Variants in RSBN1 observed in about 807,000 individuals in gnomAD.
RSBN1 encodes lysine-specific demethylase 9.
In RSBN1, 23 loss-of-function variants were observed where a neutral mutation model predicts 74.8. The ratio of observed to expected loss-of-function variants is 0.31; its 90% CI spans 0.22 to 0.44. The LOEUF is 0.44. Among genes scored for constraint, RSBN1 ranks in the 20% least tolerant of loss-of-function variants. RSBN1 has a pLI of 1.00. For synonymous variants in RSBN1, 407 were observed against 379.6 expected (o/e 1.07, Z -0.84); for missense variants, 808 against 1,020.9 (o/e 0.79, Z 2.84).
intron 1 of RSBN1, 121 bp downstream of exon 1, chr1:113,811,589 G>A (rs1412496614): frequency 7.0e-7 from 1 of 1,419,438 alleles, no homozygotes; most frequent in South Asian, 1.6e-5. Flanking sequence ...ACCCCAGTGA[G>A]CTTAGAGAAG....
chr1:113,799,578 AC>A (rs1431371648), intron 1 of RSBN1, among the ~76,000 whole-genome samples: 1 of 68,226 alleles, frequency 1.5e-5, no homozygotes, highest in African/African-American at 1.5e-4. Flanking sequence ...ACACACACAC[AC>A]ACACACACAC....
At chr1:113,768,143 G>C in intron 5 of RSBN1, 79 bp downstream of exon 5, 1 of 1,222,072 alleles carries the variant, frequency 8.2e-7, no homozygotes, top group Non-Finnish European at 1.1e-6. Flanking sequence ...TTAAAAAACT[G>C]GTCCTAAACC....
chr1:113,793,383 C>T (rs1660406759), intron 2 of RSBN1, among the ~76,000 whole-genome samples: 1 of 152,210 alleles, frequency 6.6e-6, no homozygotes, highest in Non-Finnish European at 1.5e-5. Flanking sequence ...ACCACTTTCC[C>T]ATCCTTACTT....
chr1:113,804,907 T>TAAAA (rs11406398), intron 1 of RSBN1, among the ~76,000 whole-genome samples: 2 of 131,468 alleles, frequency 1.5e-5, no homozygotes, highest in African/African-American at 2.8e-5. Flanking sequence ...TGGTCAAGAG[T>TAAAA]AAAAAAAAAA....
intron 2 of RSBN1, among the ~76,000 whole-genome samples, chr1:113,779,302 GC>G (rs1227438705): frequency 6.6e-6 from 1 of 152,032 alleles, no homozygotes; most frequent in African/African-American, 2.4e-5. Flanking sequence ...TTGTTCTTTA[GC>G]AGCATTTTTA....
In RSBN1 at chr1:113,797,998, C is replaced by T. The variant is rs1306358166; in HGVS notation, c.742G>A (p.Asp248Asn). 9.9e-6 allele frequency: 16 copies of T among 1,610,200 alleles called. No homozygotes were observed. Among genetic ancestry groups the T allele is most frequent in the Non-Finnish European group, 1.4e-5 (16 of 1,179,098 alleles). The change falls in exon 2 of 7, where the codon GAT (aspartate) becomes AAT (asparagine). Residue 248 changes from aspartate to asparagine, a missense_variant. This residue lies in a region of RSBN1 where 464 missense variants were observed against 401.0 expected (regional missense o/e 1.16). Coordinates refer to ENST00000261441, the MANE Select transcript of RSBN1 (RefSeq NM_018364.5). ...DENGKTQRAD[D>N]FVLKKIKKKK... is the part of the protein sequence containing the mutation. ...TTCTTTATTTTCTTCAAGACAAAAT[C>T]ATCGGCTCTCTGGGTTTTACCATTT...
chr1:113,787,795 A>G (rs1418013009), intron 2 of RSBN1, among the ~76,000 whole-genome samples: 2 of 152,186 alleles, frequency 1.3e-5, no homozygotes, highest in East Asian at 3.8e-4. Context: ...ATATCTTTAA[A>G]CACTAATATT....
Position 113,762,458 on chromosome 1 carries a change from A to T in RSBN1, c.*3522T>A, listed in dbSNP as rs1022616148. The T allele has an allele frequency of 6.6e-6, 1 of 152,510 alleles. No individual in the cohort carries two copies. The highest frequency in any genetic ancestry group is 1.5e-5 in the Non-Finnish European group (1 of 68,038). The allele number at this position is 152,510 out of a possible 1,614,324, so 9.4% of individuals were successfully genotyped here. On this transcript the variant is annotated 3_prime_UTR_variant, in exon 7 of 7. Transcript: ENST00000261441. ...CTCTACTTGCATGGCCAATAAATAC[A>T]GCTACGACCTGTTTGAAAAACAAAA...
chr1:113,801,228 C>T (rs1558003908), intron 1 of RSBN1, among the ~76,000 whole-genome samples: 2 of 152,120 alleles, frequency 1.3e-5, no homozygotes, highest in South Asian at 2.1e-4. Context: ...AGTGATCCAC[C>T]CACCTCAGCC....
At chr1:113,801,547 G>C (rs1029921177) in intron 1 of RSBN1, among the ~76,000 whole-genome samples, 1 of 152,200 alleles carries the variant, frequency 6.6e-6, no homozygotes, top group African/African-American at 2.4e-5. Context: ...TTATTTGAAA[G>C]TCAGTGTCCA....
At chr1:113,769,669 G>A (rs1659852513) in intron 4 of RSBN1, among the ~76,000 whole-genome samples, 1 of 152,138 alleles carries the variant, frequency 6.6e-6, no homozygotes, top group Non-Finnish European at 1.5e-5. Context: ...TTTGCAAGAT[G>A]GAAAATGATC....
intron 4 of RSBN1, among the ~76,000 whole-genome samples, chr1:113,774,457 G>A (rs1447010155): frequency 2.6e-5 from 4 of 151,698 alleles, no homozygotes; most frequent in African/African-American, 7.3e-5. Flanking sequence ...GGTGGATCAC[G>A]AGGTCAGGAG....
intron 1 of RSBN1, among the ~76,000 whole-genome samples, chr1:113,801,719 A>C (rs1660587459): frequency 1.3e-5 from 2 of 152,198 alleles, no homozygotes; most frequent in South Asian, 4.1e-4. Context: ...ATTAAGAAAA[A>C]CTTTCACCTA....
At chr1:113,776,221 A>G (rs1052617122) in intron 4 of RSBN1, among the ~76,000 whole-genome samples, 1 of 152,260 alleles carries the variant, frequency 6.6e-6, no homozygotes, top group African/African-American at 2.4e-5. Context: ...CATGAGGACA[A>G]AGATGAATAA....
At chr1:113,777,833 A>G in intron 2 of RSBN1, 25 bp from the exon 3 acceptor site, 1 of 1,527,736 alleles carries the variant, frequency 6.5e-7, no homozygotes, top group African/African-American at 1.4e-5. Flanking sequence ...AAGAGGGAAA[A>G]ATGGACTGAG....
intron 1 of RSBN1, among the ~76,000 whole-genome samples, chr1:113,804,907 T>TTA (rs546914536): frequency 3.2e-4 from 42 of 131,452 alleles, no homozygotes; most frequent in Admixed American, 1.9e-3. Context: ...TGGTCAAGAG[T>TTA]AAAAAAAAAA....
intron 4 of RSBN1, among the ~76,000 whole-genome samples, chr1:113,772,001 A>G (rs1226964922): frequency 6.6e-6 from 1 of 152,070 alleles, no homozygotes; most frequent in Non-Finnish European, 1.5e-5. Context: ...CGTAGGTGAA[A>G]TATAGAAAAG....
chr1:113,811,360 G>C (rs1016450574), intron 1 of RSBN1, among the ~76,000 whole-genome samples: 14 of 152,156 alleles, frequency 9.2e-5, no homozygotes, highest in African/African-American at 3.4e-4. Flanking sequence ...GCAAAACAAG[G>C]AGAAGGGATT....
At chr1:113,804,340 A>T (rs1660654856) in intron 1 of RSBN1, among the ~76,000 whole-genome samples, 1 of 152,194 alleles carries the variant, frequency 6.6e-6, no homozygotes, top group South Asian at 2.1e-4. Context: ...TTTTATTTTA[A>T]TCCTCAAACC....
Sources: allele counts gnomAD v4.1 joint callset (sites outside exome capture counted in the v4.1 genomes callset), GRCh38; gene constraint gnomAD v4.1.1; regional missense constraint gnomAD v4.1.1; transcripts MANE v1.5; gene names NCBI Gene and HGNC (gene_info 2026-07-23, HGNC 2026-07-21).